Variants in ROBO2 observed in about 807,000 individuals in gnomAD.
ROBO2 encodes the protein roundabout guidance receptor 2.
In ROBO2, 53 loss-of-function variants were observed where a neutral mutation model predicts 160.8. The ratio of observed to expected loss-of-function variants is 0.33; its 90% CI spans 0.26 to 0.41. The LOEUF (loss-of-function observed/expected upper bound fraction) is 0.41, where lower values mean the gene tolerates loss of function less well. ROBO2 is among the 10% of genes least tolerant of loss of function. ROBO2 has a pLI of 1.00. For missense variants in ROBO2, 1,577 were observed against 1,722.4 expected (o/e 0.92, Z 1.49); for synonymous variants, 664 against 611.7 (o/e 1.09, Z -1.26).
At chr3:77,375,025 A>C (rs1305744484) in intron 2 of ROBO2, among the ~76,000 whole-genome samples, 1 of 152,168 alleles carries the variant, frequency 6.6e-6, no homozygotes, top group Non-Finnish European at 1.5e-5. Context: ...CCTGGGCAAC[A>C]TAGCAAGACC....
chr3:76,806,488 T>C (rs1010665590), intron 2 of ROBO2, among the ~76,000 whole-genome samples: 1 of 151,960 alleles, frequency 6.6e-6, no homozygotes, highest in African/African-American at 2.4e-5. Flanking sequence ...AGGTGCAATG[T>C]AGTTTGTCTT....
chr3:76,415,044 A>T (rs1165785841), intron 2 of ROBO2, among the ~76,000 whole-genome samples: 1 of 151,974 alleles, frequency 6.6e-6, no homozygotes, highest in African/African-American at 2.4e-5. Context: ...AGACGAAAAG[A>T]CCTCTTATTT....
At chr3:77,566,256 A>G (rs542913130) in intron 12 of ROBO2, among the ~76,000 whole-genome samples, 8 of 152,162 alleles carry the variant, frequency 5.3e-5, no homozygotes, top group Admixed American at 5.2e-4. Context: ...GGAGGAGGAA[A>G]TGCCATTTTG....
chr3:77,584,945 T>TAC lies in ROBO2; in HGVS notation c.2501-3796_2501-3795dup, dbSNP rs1388088406. 4.0e-5 allele frequency among the ~76,000 whole-genome samples: 6 copies of TAC among 148,966 alleles called. 1 individual carries two copies. The South Asian group carries it at 8.4e-4, about 21-fold the overall frequency. ...ATACATATATATACATATATATATATACACACACACATATATATACACACA... is the reference window on the plus strand; with the variant it reads ...ATACATATATATACATATATATATATACACACACACACATATATATACACACA... On this transcript the variant is annotated intron_variant, in intron 16 of 25. Coordinates refer to ENST00000461745, the Ensembl canonical transcript of ROBO2.
intron 8 of ROBO2, among the ~76,000 whole-genome samples, chr3:77,554,591 T>A (rs968767411): frequency 5.3e-5 from 8 of 151,948 alleles, no homozygotes; most frequent in Non-Finnish European, 1.0e-4. Context: ...ACCAGGAGTT[T>A]GGAAAGTTGG....
chr3:77,582,362 G>C (rs73114567), intron 16 of ROBO2, among the ~76,000 whole-genome samples: 14,981 of 152,114 alleles, frequency 0.098, 959 homozygotes, highest in Middle Eastern at 0.17. Context: ...TGGCCTCCCA[G>C]GCATGAGCCA....
At chr3:77,114,288 A>AT (rs2073981859) in intron 2 of ROBO2, among the ~76,000 whole-genome samples, 1 of 152,142 alleles carries the variant, frequency 6.6e-6, no homozygotes, top group Admixed American at 6.5e-5. Flanking sequence ...GAAAAAAGAT[A>AT]TTTCTAAGGT....
intron 2 of ROBO2, among the ~76,000 whole-genome samples, chr3:76,346,405 T>C (rs906388323): frequency 2.0e-5 from 3 of 152,152 alleles, no homozygotes; most frequent in African/African-American, 7.2e-5. Context: ...GTCTAACATA[T>C]TCCCTGTATT....
intron 1 of ROBO2, among the ~76,000 whole-genome samples, chr3:75,914,858 C>T (rs968355764): frequency 6.6e-6 from 1 of 152,180 alleles, no homozygotes; most frequent in Non-Finnish European, 1.5e-5. Flanking sequence ...GCAAGCACTT[C>T]CACCGAGTTT....
At chr3:76,532,001 G>A (rs934929304) in intron 2 of ROBO2, among the ~76,000 whole-genome samples, 1 of 152,042 alleles carries the variant, frequency 6.6e-6, no homozygotes, top group Non-Finnish European at 1.5e-5. Flanking sequence ...AGTTAAACCC[G>A]TTTCTTTTCA....
intron 2 of ROBO2, among the ~76,000 whole-genome samples, chr3:77,170,067 A>G (rs2079486508): frequency 6.6e-6 from 1 of 152,164 alleles, no homozygotes; most frequent in African/African-American, 2.4e-5. Flanking sequence ...TCCTTTGGCC[A>G]CTGCCTTCCC....
intron 4 of ROBO2, among the ~76,000 whole-genome samples, chr3:77,484,144 G>A (rs115755644): frequency 6.6e-6 from 1 of 151,760 alleles, no homozygotes; most frequent in African/African-American, 2.4e-5. Context: ...TAATTAACTG[G>A]GCATTATCAA....
chr3:76,001,968 C>G (rs976363092), intron 2 of ROBO2, among the ~76,000 whole-genome samples: 6 of 152,166 alleles, frequency 3.9e-5, no homozygotes, highest in Non-Finnish European at 5.9e-5. Context: ...TGGAAATTTT[C>G]TCTTAGCACT....
intron 2 of ROBO2, among the ~76,000 whole-genome samples, chr3:76,663,147 C>T (rs2091895117): frequency 1.3e-5 from 2 of 152,102 alleles, no homozygotes; most frequent in Admixed American, 1.3e-4. Flanking sequence ...AATAAAATAT[C>T]CTGGATGTGA....
chr3:77,175,082 C>T (rs1264202779), intron 2 of ROBO2, among the ~76,000 whole-genome samples: 1 of 152,038 alleles, frequency 6.6e-6, no homozygotes, highest in Non-Finnish European at 1.5e-5. Flanking sequence ...CATGACAACC[C>T]TGTCAGGTAA....
chr3:76,420,275 A>C (rs1464490358), intron 2 of ROBO2, among the ~76,000 whole-genome samples: 1 of 152,120 alleles, frequency 6.6e-6, no homozygotes, highest in Non-Finnish European at 1.5e-5. Flanking sequence ...TCAACCTCCC[A>C]AAGTGCTGGG....
chr3:76,213,503 A>G (rs1037632749), intron 2 of ROBO2, among the ~76,000 whole-genome samples: 5 of 152,164 alleles, frequency 3.3e-5, no homozygotes, highest in African/African-American at 1.2e-4. Flanking sequence ...ATAATATTCA[A>G]TGAAATAAAA....
At chr3:77,518,864 T>G (rs558368868) in intron 5 of ROBO2, among the ~76,000 whole-genome samples, 1 of 151,628 alleles carries the variant, frequency 6.6e-6, no homozygotes, top group South Asian at 2.1e-4. Flanking sequence ...CAAAACTTCT[T>G]TTTACTCCAA....
At chr3:76,800,628 A>T (rs1162927789) in intron 2 of ROBO2, among the ~76,000 whole-genome samples, 1 of 152,194 alleles carries the variant, frequency 6.6e-6, no homozygotes, top group Non-Finnish European at 1.5e-5. Flanking sequence ...AAGGTGCTCA[A>T]GATTATTGAT....
Sources: gnomAD v4.1 joint callset for allele counts (sites outside exome capture counted in the v4.1 genomes callset) on GRCh38, gnomAD v4.1.1 for gene constraint, MANE v1.5 for transcripts, NCBI Gene and HGNC (gene_info 2026-07-23, HGNC 2026-07-21) for gene names.